The following JMJD1C variants were observed in gnomAD, a reference collection of about 807,000 sequenced individuals.
JMJD1C encodes jumonji domain containing 1C.
Under a neutral mutation model 245.3 loss-of-function variants are expected in JMJD1C, and 31 were observed. That is an observed-to-expected ratio of 0.13 (90% confidence interval 0.09 to 0.17). JMJD1C has a LOEUF of 0.17. JMJD1C is among the 10% of genes least tolerant of loss of function. JMJD1C has a pLI of 1.00. For synonymous variants in JMJD1C, 1,057 were observed against 1,017.4 expected, an observed-to-expected ratio of 1.04 and a Z score of -0.74; for missense variants, 2,691 against 3,000.2, an observed-to-expected ratio of 0.90 and a Z score of 2.41.
At position 63,209,280 on chromosome 10, in the gene JMJD1C, T is replaced by C. The variant is rs766254811; in HGVS notation, c.2695-45A>G. The C allele has an allele frequency of 1.1e-5, 17 of 1,520,562 alleles. No homozygotes were observed. The African/African-American group carries it at 2.0e-4, about 17-fold the overall frequency. The allele number at this position is 1,520,562 out of a possible 1,614,324, so 94.2% of individuals were successfully genotyped here. ...AAAAAAACACCTAGATTTCAGTTAC[T>C]AGAAAAAGCTAAACACCGTGTCACA... On this transcript the variant is annotated intron_variant, in intron 8 of 25. Transcript: ENST00000399262.
chr10:63,382,584 C>T (rs1947301052), intron 1 of JMJD1C, among the ~76,000 whole-genome samples: 1 of 152,132 alleles, frequency 6.6e-6, no homozygotes, highest in Non-Finnish European at 1.5e-5. Context: ...CCACTGCTAA[C>T]ATCATACACA....
intron 3 of JMJD1C, among the ~76,000 whole-genome samples, chr10:63,263,952 ATAC>A (rs1564703895): frequency 1.2e-5 from 1 of 86,630 alleles, no homozygotes; most frequent in African/African-American, 5.4e-5. Flanking sequence ...AAAAAAAAAA[ATAC>A]ACATACACAC....
Position 63,200,461 on chromosome 10 carries a change from C to A in JMJD1C, c.5276+15G>T, listed in dbSNP as rs375419932. The A allele has an allele frequency of 7.8e-5, 124 of 1,591,986 alleles. No individual in the cohort carries two copies. The highest frequency in any genetic ancestry group is 1.2e-5 in the Non-Finnish European group (14 of 1,161,328). On this transcript the variant is annotated intron_variant, in intron 11 of 25. Transcript: ENST00000399262. The stretch of plus-strand genomic sequence containing the variant: ...CAATAAATTACTTTTTTCCCAATCT[C>A]ATATTTTCACTTACCGTCTAAAGTA...
chr10:63,283,244 A>G (rs564967730), intron 2 of JMJD1C, among the ~76,000 whole-genome samples: 1 of 152,348 alleles, frequency 6.6e-6, no homozygotes, highest in Non-Finnish European at 1.5e-5. Context: ...CAGATAGCCT[A>G]TAAGCAGTCT....
At chr10:63,448,623 A>C (rs1295653897) in intron 1 of JMJD1C, among the ~76,000 whole-genome samples, 2 of 152,240 alleles carry the variant, frequency 1.3e-5, no homozygotes, top group African/African-American at 4.8e-5. Flanking sequence ...GCTATTCTCC[A>C]AATTTTAACC....
At chr10:63,249,650 G>A (rs1308464458) in intron 3 of JMJD1C, among the ~76,000 whole-genome samples, 1 of 152,138 alleles carries the variant, frequency 6.6e-6, no homozygotes, top group East Asian at 1.9e-4. Flanking sequence ...CACAAGGTCA[G>A]GAGTTCCAGA....
chr10:63,337,603 G>GA lies in JMJD1C; in HGVS notation c.333+42714dup, dbSNP rs201681810. On this transcript the variant is annotated intron_variant, in intron 2 of 25. Transcript: ENST00000399262. ...GAAAAGAAAAGAAAAGAAAAGAAAA[G>GA]AAAAGAAAAGAAAAGAAAAGAAAAA... 2.4e-3 allele frequency among the ~76,000 whole-genome samples: 247 copies of GA among 101,138 alleles called. 14 individuals carry two copies. Among genetic ancestry groups the GA allele is most frequent in the African/African-American group, 0.013 (201 of 16,040 alleles). 66.4% of individuals were successfully genotyped at this position (101,138 alleles called of 152,430 possible).
intron 2 of JMJD1C, among the ~76,000 whole-genome samples, chr10:63,277,348 G>A (rs1257054473): frequency 2.0e-5 from 3 of 151,568 alleles, no homozygotes; most frequent in African/African-American, 7.3e-5. Flanking sequence ...ATACAAAATG[G>A]AGTGAGAGGA....
intron 1 of JMJD1C, chr10:63,427,339 TG>T: frequency 9.4e-7 from 1 of 1,068,646 alleles, no homozygotes; most frequent in Non-Finnish European, 1.3e-6. Flanking sequence ...CCAGAGTTCC[TG>T]GGACCAAGTG....
chr10:63,407,400 A>G (rs757251688), intron 1 of JMJD1C, among the ~76,000 whole-genome samples: 2 of 152,192 alleles, frequency 1.3e-5, no homozygotes, highest in South Asian at 2.1e-4. Context: ...CTCATAGGGC[A>G]TAACTCTGAA....
chr10:63,518,041 TGTC>T (rs1343740817), intron 1 of JMJD1C, among the ~76,000 whole-genome samples: 1 of 152,156 alleles, frequency 6.6e-6, no homozygotes, highest in African/African-American at 2.4e-5. Context: ...GATCTGCCCT[TGTC>T]GGCCTCCCAA....
intron 9 of JMJD1C, 60 bp from the exon 10 acceptor site, chr10:63,208,861 G>A: frequency 7.5e-7 from 1 of 1,324,838 alleles, no homozygotes; most frequent in Non-Finnish European, 1.0e-6. Context: ...TACAAAGACA[G>A]CTTCTATGCA....
intron 1 of JMJD1C, among the ~76,000 whole-genome samples, chr10:63,457,227 A>G (rs1411380660): frequency 1.3e-5 from 2 of 152,214 alleles, no homozygotes; most frequent in African/African-American, 4.8e-5. Flanking sequence ...AAAGGAAGAA[A>G]TCTGCAGAAC....
At chr10:63,517,548 G>C (rs564632352) in intron 1 of JMJD1C, among the ~76,000 whole-genome samples, 3 of 152,250 alleles carry the variant, frequency 2.0e-5, no homozygotes, top group African/African-American at 7.2e-5. Context: ...AAGTGTCTTT[G>C]CAGAACACAA....
At chr10:63,462,428 G>C (rs1029692607) in intron 1 of JMJD1C, among the ~76,000 whole-genome samples, 1 of 152,110 alleles carries the variant, frequency 6.6e-6, no homozygotes, top group Non-Finnish European at 1.5e-5. Flanking sequence ...CCACGGTGTG[G>C]TAAAAAATAA....
chr10:63,428,344 T>C (rs1429201056), intron 1 of JMJD1C, among the ~76,000 whole-genome samples: 2 of 152,252 alleles, frequency 1.3e-5, no homozygotes, highest in Non-Finnish European at 2.9e-5. Context: ...CTTGCATTAA[T>C]ATTGACAAAA....
At position 63,185,231 on chromosome 10, in the gene JMJD1C, A is replaced by G. The variant is rs187304616; in HGVS notation, c.6830+332T>C. Among the ~76,000 whole-genome samples, 327 of 152,322 alleles carry G rather than the reference A, an allele frequency of 2.1e-3. 2 individuals are homozygous for G. The highest frequency in any genetic ancestry group is 7.6e-3 in the African/African-American group (317 of 41,580). On this transcript the variant is annotated intron_variant, in intron 20 of 25. Transcript: ENST00000399262. The stretch of plus-strand genomic sequence containing the variant: ...CTGCAGCCTCCACTTCCTCCACTCC[A>G]GTGATCCTCTCACCTCAGCCACGCA...
At chr10:63,256,796 TTA>T (rs1244603254) in intron 3 of JMJD1C, among the ~76,000 whole-genome samples, 1 of 152,224 alleles carries the variant, frequency 6.6e-6, no homozygotes, top group Non-Finnish European at 1.5e-5. Flanking sequence ...TTTACTGATT[TTA>T]TGTCAACAAG....
chr10:63,415,833 C>T (rs545823054), intron 1 of JMJD1C, among the ~76,000 whole-genome samples: 1 of 152,288 alleles, frequency 6.6e-6, no homozygotes, highest in Admixed American at 6.5e-5. Flanking sequence ...ACTGCTGATA[C>T]TATCAATTCA....
Sources: allele counts gnomAD v4.1 joint callset (sites outside exome capture counted in the v4.1 genomes callset), GRCh38; gene constraint gnomAD v4.1.1; transcripts MANE v1.5; gene names NCBI Gene and HGNC (gene_info 2026-07-23, HGNC 2026-07-21).